Variants in IL5RA observed in about 807,000 individuals in gnomAD.
IL5RA encodes the protein interleukin 5 receptor subunit alpha.
Under a neutral mutation model 50.0 loss-of-function variants are expected in IL5RA, and 49 were observed. That is an observed-to-expected ratio of 0.98 (90% confidence interval 0.78 to 1.24). IL5RA has a LOEUF of 1.24. Among genes scored for constraint, IL5RA ranks in the 50% most tolerant of loss-of-function variants. IL5RA has a pLI of 0.00. For missense variants in IL5RA, 600 were observed against 500.4 expected (o/e 1.20, Z -1.90); for synonymous variants, 202 against 174.0 (o/e 1.16, Z -1.26).
At chr3:3,089,767 C>T (rs1274877788) in intron 9 of IL5RA, among the ~76,000 whole-genome samples, 28 of 152,014 alleles carry the variant, frequency 1.8e-4, no homozygotes, top group East Asian at 9.7e-4. Context: ...GGACTACAGG[C>T]GCGCACCACC....
intron 9 of IL5RA, among the ~76,000 whole-genome samples, chr3:3,082,457 T>C (rs1044474487): frequency 3.3e-5 from 5 of 152,178 alleles, no homozygotes; most frequent in African/African-American, 1.2e-4. Flanking sequence ...GAGGAGAAGC[T>C]CTCCAGACTC....
chr3:3,086,062 C>T (rs1214363801), intron 9 of IL5RA, among the ~76,000 whole-genome samples: 1 of 152,080 alleles, frequency 6.6e-6, no homozygotes, highest in Non-Finnish European at 1.5e-5. Context: ...TCAAATTTTG[C>T]TTTCAGTGAG....
At position 3,068,614 on chromosome 3, in the gene IL5RA, A is replaced by AAAAAAAG. The variant is rs1559856794; in HGVS notation, c.*1610_*1611insCTTTTTT. Reference sequence around the variant, plus strand: ...AAAAAAAAAAAAAAAAAAAACAAAAACAGGTTTGAGATTATGAATCATTTG... The same window carrying AAAAAAAG: ...AAAAAAAAAAAAAAAAAAAACAAAAAAAAAAAGCAGGTTTGAGATTATGAATCATTTG... On this transcript the variant is annotated 3_prime_UTR_variant, in exon 12 of 12. Coordinates refer to ENST00000446632, the MANE Select transcript of IL5RA (RefSeq NM_175726.4). The AAAAAAAG allele has an allele frequency of 7.4e-6, 1 of 135,616 alleles. No homozygotes were observed. Among genetic ancestry groups the AAAAAAAG allele is most frequent in the African/African-American group, 2.7e-5 (1 of 37,012 alleles). The allele number at this position is 135,616 out of a possible 1,614,324, so 8.4% of individuals were successfully genotyped here.
rs765258108 is a variant in IL5RA at position 3,089,407 on chromosome 3, G to C, written c.994+2817C>G. On this transcript the variant is annotated intron_variant, in intron 9 of 11. Coordinates refer to ENST00000446632, the MANE Select transcript of IL5RA (RefSeq NM_175726.4). ...AGTCTTCAGTGGAAATCTACCTGCT[G>C]TGTGTCAGATCGGAGTCATTTTCAC... Among the ~76,000 whole-genome samples, 79 of 152,192 alleles carry C rather than the reference G, an allele frequency of 5.2e-4. 1 individual carries two copies. The highest frequency in any genetic ancestry group is 1.3e-4 in the Admixed American group (2 of 15,278).
At chr3:3,084,624 G>A (rs918529093) in intron 9 of IL5RA, among the ~76,000 whole-genome samples, 5 of 152,198 alleles carry the variant, frequency 3.3e-5, no homozygotes, top group African/African-American at 7.2e-5. Context: ...CTTGCTGAGT[G>A]TGGCCCATCC....
intron 9 of IL5RA, among the ~76,000 whole-genome samples, chr3:3,083,052 A>C (rs892371788): frequency 1.3e-5 from 2 of 152,232 alleles, no homozygotes; most frequent in Non-Finnish European, 2.9e-5. Flanking sequence ...ACAGGGTTGG[A>C]TAATTGAGAG....
intron 9 of IL5RA, among the ~76,000 whole-genome samples, chr3:3,086,742 A>T (rs547938195): frequency 3.3e-5 from 5 of 152,224 alleles, no homozygotes; most frequent in Non-Finnish European, 5.9e-5. Flanking sequence ...AGAAGTCACT[A>T]TATCAAAAAG....
chr3:3,085,814 C>A (rs186295300), intron 9 of IL5RA, among the ~76,000 whole-genome samples: 1 of 152,118 alleles, frequency 6.6e-6, no homozygotes. Flanking sequence ...TCTGAGACCC[C>A]CACTCCACCA....
At chr3:3,100,025 G>A (rs1172931498) in intron 5 of IL5RA, among the ~76,000 whole-genome samples, 1 of 152,162 alleles carries the variant, frequency 6.6e-6, no homozygotes. Flanking sequence ...CTCAAATTAT[G>A]TGACTAGAAA....
At chr3:3,098,112 A>T in intron 6 of IL5RA, 25 bp downstream of exon 6, 1 of 1,613,994 alleles carries the variant, frequency 6.2e-7, no homozygotes, top group South Asian at 1.1e-5. Context: ...CCATTTGCCT[A>T]AGTAAAAATA....
intron 4 of IL5RA, 84 bp downstream of exon 4, chr3:3,102,591 A>G: frequency 1.0e-6 from 1 of 976,348 alleles, no homozygotes; most frequent in South Asian, 1.8e-5. Context: ...TATTTTTTTA[A>G]TCCAAAATTT....
chr3:3,092,105 T>C lies in IL5RA; in HGVS notation c.994+119A>G, dbSNP rs932864431. ...AAAAGGCAGTAGACCGAGAGAAAAT[T>C]AGTCACAATAGAGATATGAAACCAT... On this transcript the variant is annotated intron_variant, in intron 9 of 11. Transcript: ENST00000446632. The surrounding 1 kb of genome is among the most constrained non-coding windows in gnomAD (Gnocchi z 4.2). The C allele has an allele frequency of 4.6e-5, 67 of 1,465,492 alleles. 2 individuals are homozygous for C. Among genetic ancestry groups the C allele is most frequent in the South Asian group, 4.0e-4 (27 of 67,284 alleles). The allele number at this position is 1,465,492 out of a possible 1,614,324, so 90.8% of individuals were successfully genotyped here. A position where few individuals can be genotyped will look rare whatever the true frequency, so the allele number is the denominator to read the frequency against.
At chr3:3,072,175 C>T (rs1702322913) in intron 11 of IL5RA, among the ~76,000 whole-genome samples, 1 of 152,214 alleles carries the variant, frequency 6.6e-6, no homozygotes, top group South Asian at 2.1e-4. Context: ...CCTCATGGGG[C>T]CCAGCTGTAG....
chr3:3,106,258 T>G (rs1029045097), intron 2 of IL5RA, among the ~76,000 whole-genome samples: 1 of 152,210 alleles, frequency 6.6e-6, no homozygotes, highest in African/African-American at 2.4e-5. Flanking sequence ...CTTGGTATTT[T>G]CCAAATATAA....
intron 9 of IL5RA, among the ~76,000 whole-genome samples, chr3:3,081,759 A>G (rs964414320): frequency 1.3e-5 from 2 of 152,240 alleles, no homozygotes; most frequent in Admixed American, 1.3e-4. Flanking sequence ...ATTTTATTTC[A>G]TTAAATGAAA....
chr3:3,076,444 A>G (rs1702485269), intron 10 of IL5RA, 87 bp downstream of exon 10: 2 of 834,202 alleles, frequency 2.4e-6, no homozygotes, highest in Non-Finnish European at 4.0e-6. Flanking sequence ...GATAATAAGA[A>G]CCCTCTGCCT....
chr3:3,070,791 C>A (rs340810), intron 11 of IL5RA, among the ~76,000 whole-genome samples: 39,139 of 151,576 alleles, frequency 0.26, 5,261 homozygotes, highest in South Asian at 0.32. Flanking sequence ...CCATGTTGGC[C>A]AGGCTGGTCT....
rs183828375 is a variant in IL5RA, at chr3:3,092,156, C to T, written c.994+68G>A. The T allele has an allele frequency of 2.7e-5, 43 of 1,576,252 alleles. No homozygotes were observed. Among genetic ancestry groups the T allele is most frequent in the Middle Eastern group, 1.7e-4 (1 of 5,858 alleles). ...TTTAAGACCCACGAGTGAACGGGTACGTTTCTGGGATTACCTTTTTTGATC... is the reference window on the plus strand; with the variant it reads ...TTTAAGACCCACGAGTGAACGGGTATGTTTCTGGGATTACCTTTTTTGATC... On this transcript the variant is annotated intron_variant, in intron 9 of 11. Transcript: ENST00000446632. This position sits in a 1 kb window ranked among gnomAD's most constrained non-coding sequence, Gnocchi z 4.2.
chr3:3,090,409 G>T (rs1367797533), intron 9 of IL5RA, among the ~76,000 whole-genome samples: 1 of 152,148 alleles, frequency 6.6e-6, no homozygotes, highest in Non-Finnish European at 1.5e-5. Flanking sequence ...CGACGTGTGT[G>T]TGCCTCCCCA....
Sources: gnomAD v4.1 joint callset for allele counts (sites outside exome capture counted in the v4.1 genomes callset) on GRCh38, gnomAD v4.1.1 for gene constraint, Gnocchi (gnomAD v3.1) non-coding constraint, MANE v1.5 for transcripts, NCBI Gene and HGNC (gene_info 2026-07-23, HGNC 2026-07-21) for gene names.